The following TNFSF4 variants were observed in gnomAD, a reference collection of about 807,000 sequenced individuals.
TNFSF4 encodes TNF superfamily member 4.
TNFSF4 carries 4 observed loss-of-function variants against 7.3 expected under a neutral mutation model. The observed-to-expected ratio is 0.55, with a 90% CI of 0.27 to 1.25. The LOEUF (loss-of-function observed/expected upper bound fraction) is 1.25, where lower values mean the gene tolerates loss of function less well. TNFSF4 is among the 50% of genes most tolerant of loss of function. The probability of loss-of-function intolerance (pLI) is 0.12; values close to 1 mark genes in which losing one functional copy is unlikely to be tolerated. For synonymous variants in TNFSF4, 76 were observed against 83.7 expected, an observed-to-expected ratio of 0.91 and a Z score of 0.50; for missense variants, 181 against 208.8, an observed-to-expected ratio of 0.87 and a Z score of 0.82.
chr1:173,241,300 CAT>C, the TNFSF4 span, among the ~76,000 whole-genome samples: 1 of 152,222 alleles, frequency 6.6e-6, no homozygotes, highest in Non-Finnish European at 1.5e-5. Context: ...TCCTCTGCCA[CAT>C]TTCAATAATG....
At chr1:173,304,438 A>G in the TNFSF4 span, among the ~76,000 whole-genome samples, 1 of 151,948 alleles carries the variant, frequency 6.6e-6, no homozygotes, top group Admixed American at 6.6e-5. Context: ...GCTAGAGAGA[A>G]TGGTTTAGAA....
chr1:173,419,135 C>T, the TNFSF4 span, among the ~76,000 whole-genome samples: 2 of 152,026 alleles, frequency 1.3e-5, no homozygotes, highest in Non-Finnish European at 2.9e-5. Context: ...GTCAGGAGAT[C>T]GAGACCATCC....
the TNFSF4 span, among the ~76,000 whole-genome samples, chr1:173,298,274 T>G: frequency 6.6e-6 from 1 of 151,994 alleles, no homozygotes; most frequent in African/African-American, 2.4e-5. Flanking sequence ...CAGTGGTTTT[T>G]CTTTCCTCTC....
chr1:173,341,267 T>C, the TNFSF4 span, among the ~76,000 whole-genome samples: 1 of 152,194 alleles, frequency 6.6e-6, no homozygotes, highest in African/African-American at 2.4e-5. Context: ...CCTTCTTATC[T>C]GCTTGGGACA....
At chr1:173,294,346 G>C in the TNFSF4 span, among the ~76,000 whole-genome samples, 1 of 152,036 alleles carries the variant, frequency 6.6e-6, no homozygotes, top group South Asian at 2.1e-4. Flanking sequence ...GTAAACTAGC[G>C]CAGGAACAGA....
At chr1:173,360,423 T>A in the TNFSF4 span, among the ~76,000 whole-genome samples, 1 of 152,340 alleles carries the variant, frequency 6.6e-6, no homozygotes, top group African/African-American at 2.4e-5. Flanking sequence ...AAGCATGTTG[T>A]TAAAATAAAT....
At chr1:173,220,268 A>T in the TNFSF4 span, among the ~76,000 whole-genome samples, 1 of 152,186 alleles carries the variant, frequency 6.6e-6, no homozygotes, top group Non-Finnish European at 1.5e-5. Flanking sequence ...TATTTCTCTT[A>T]GCAAAAACTC....
At chr1:173,223,108 T>C in the TNFSF4 span, among the ~76,000 whole-genome samples, 3 of 152,250 alleles carry the variant, frequency 2.0e-5, no homozygotes, top group Admixed American at 6.5e-5. Flanking sequence ...GGAAGAATTA[T>C]GGAAGTAACT....
At chr1:173,204,942 C>CACAG (rs1455749619) in intron 1 of TNFSF4, among the ~76,000 whole-genome samples, 1 of 151,606 alleles carries the variant, frequency 6.6e-6, no homozygotes, top group East Asian at 1.9e-4. Context: ...CACACACACA[C>CACAG]TGCTGCTATC....
the TNFSF4 span, among the ~76,000 whole-genome samples, chr1:173,445,061 C>T: frequency 6.6e-6 from 1 of 152,124 alleles, no homozygotes; most frequent in Non-Finnish European, 1.5e-5. Context: ...TAGTGTCAGT[C>T]ATTGTATCTT....
chr1:173,253,251 T>C, the TNFSF4 span, among the ~76,000 whole-genome samples: 2 of 152,208 alleles, frequency 1.3e-5, no homozygotes, highest in African/African-American at 4.8e-5. Flanking sequence ...AGCTCAGCTC[T>C]AGTATCCCCA....
the TNFSF4 span, among the ~76,000 whole-genome samples, chr1:173,257,721 G>C: frequency 6.6e-6 from 1 of 152,318 alleles, no homozygotes; most frequent in South Asian, 2.1e-4. Flanking sequence ...AATTAGGGTA[G>C]ATTATCCTCC....
At chr1:173,431,883 T>C in the TNFSF4 span, among the ~76,000 whole-genome samples, 1 of 152,234 alleles carries the variant, frequency 6.6e-6, no homozygotes, top group Non-Finnish European at 1.5e-5. Flanking sequence ...TGACCAATGA[T>C]GTATCATGAA....
chr1:173,240,575 T>C, the TNFSF4 span, among the ~76,000 whole-genome samples: 9 of 152,330 alleles, frequency 5.9e-5, no homozygotes, highest in South Asian at 1.0e-3. Context: ...AATCACACTT[T>C]ATATATTGCC....
the TNFSF4 span, among the ~76,000 whole-genome samples, chr1:173,340,939 G>A: frequency 7.2e-5 from 11 of 152,136 alleles, no homozygotes; most frequent in African/African-American, 1.9e-4. Flanking sequence ...GGAGGAACTC[G>A]ATGGGAGGTA....
the TNFSF4 span, among the ~76,000 whole-genome samples, chr1:173,436,804 C>T: frequency 1.3e-5 from 2 of 152,144 alleles, no homozygotes; most frequent in African/African-American, 4.8e-5. Flanking sequence ...TAATGGGGAG[C>T]GCTGAAATGT....
At chr1:173,376,213 A>G in the TNFSF4 span, among the ~76,000 whole-genome samples, 2 of 152,232 alleles carry the variant, frequency 1.3e-5, no homozygotes, top group Admixed American at 1.3e-4. Flanking sequence ...CCCATCAATG[A>G]TAGAATGGAT....
chr1:173,341,667 A>G, the TNFSF4 span, among the ~76,000 whole-genome samples: 31,166 of 152,190 alleles, frequency 0.2, 3,481 homozygotes, highest in Middle Eastern at 0.27. Context: ...ACTTTCACAG[A>G]ACTGCTATGA....
the TNFSF4 span, among the ~76,000 whole-genome samples, chr1:173,339,373 C>T: frequency 4.0e-5 from 6 of 151,752 alleles, no homozygotes; most frequent in African/African-American, 1.5e-4. Flanking sequence ...CAGAAGGAGA[C>T]CCTGTCTCAA....
Sources: gnomAD v4.1 joint callset for allele counts (sites outside exome capture counted in the v4.1 genomes callset) on GRCh38, gnomAD v4.1.1 for gene constraint, MANE v1.5 for transcripts, NCBI Gene and HGNC (gene_info 2026-07-23, HGNC 2026-07-21) for gene names.